Variants in DNAH17 observed in about 807,000 individuals in gnomAD.
DNAH17 encodes axonemal beta dynein heavy chain 17.
Under a neutral mutation model 485.6 loss-of-function variants are expected in DNAH17, and 376 were observed. The ratio of observed to expected loss-of-function variants is 0.77; its 90% CI spans 0.71 to 0.84. The LOEUF is 0.84. DNAH17 is among the 40% of genes least tolerant of loss of function. The pLI is 0.00. For synonymous variants in DNAH17, 3,031 were observed against 2,405.9 expected, an observed-to-expected ratio of 1.26 and a Z score of -7.60; for missense variants, 6,370 against 5,839.3, an observed-to-expected ratio of 1.09 and a Z score of -2.96.
rs1366604289 is a variant in DNAH17 at position 78,573,752 on chromosome 17, A to G, written c.346-858T>C. On this transcript the variant is annotated intron_variant, in intron 2 of 80. Transcript: ENST00000389840. The stretch of plus-strand genomic sequence containing the variant: ...AGATGTCCATCTGCAAGTCAAGGAG[A>G]GAGGCCTTGGGGAAAACCAACCCCG... Among the ~76,000 whole-genome samples the G allele has an allele frequency of 4.6e-5, 7 of 152,088 alleles. No homozygotes were observed. In the East Asian group the frequency reaches 5.8e-4, roughly 13 times the overall value.
chr17:78,489,138 G>A (rs999835732), intron 44 of DNAH17, among the ~76,000 whole-genome samples: 1 of 152,166 alleles, frequency 6.6e-6, no homozygotes, highest in Non-Finnish European at 1.5e-5. Context: ...GTCCCCATAG[G>A]GAACATTCCA....
chr17:78,565,989 A>C (rs2092259188), intron 11 of DNAH17, among the ~76,000 whole-genome samples: 1 of 151,852 alleles, frequency 6.6e-6, no homozygotes, highest in African/African-American at 2.4e-5. Context: ...CAAAACAAAA[A>C]ACAAACAAAC....
Position 78,507,274 on chromosome 17 carries a change from G to A in DNAH17, c.4676+4C>T, listed in dbSNP as rs779305154. ...CCCCTGGTCTGGATAGGTGTGAGCC[G>A]CACCTCTTCTTCAGGGCCTCCAGTT... is the stretch of plus-strand genomic sequence containing the variant. On this transcript the variant is annotated splice_donor_region_variant and intron_variant, in intron 29 of 80. Transcript: ENST00000389840. 8.7e-6 allele frequency: 14 copies of A among 1,613,696 alleles called. No individual in the cohort carries two copies. The highest frequency in any genetic ancestry group is 4.4e-5 in the South Asian group (4 of 91,062).
In DNAH17 at chr17:78,452,466, G is replaced by A. The variant is rs574029556; in HGVS notation, c.10530-793C>T. The stretch of plus-strand genomic sequence containing the variant: ...AACATGCTAAGTAAAGGCCGGGCGC[G>A]GTGGCTCCCGCCTGTAATCCCAGCA... On this transcript the variant is annotated intron_variant, in intron 65 of 80. Transcript: ENST00000389840. Among the ~76,000 whole-genome samples the A allele has an allele frequency of 1.6e-3, 243 of 152,254 alleles. 1 individual carries two copies. The highest frequency in any genetic ancestry group is 5.1e-3 in the African/African-American group (212 of 41,546).
intron 26 of DNAH17, among the ~76,000 whole-genome samples, chr17:78,514,348 T>C (rs1383621047): frequency 6.6e-6 from 1 of 151,414 alleles, no homozygotes; most frequent in Non-Finnish European, 1.5e-5. Context: ...GTACTAAAAA[T>C]ACAAAAATTA....
At chr17:78,525,813 G>A (rs1368046724) in intron 24 of DNAH17, among the ~76,000 whole-genome samples, 1 of 152,242 alleles carries the variant, frequency 6.6e-6, no homozygotes, top group Non-Finnish European at 1.5e-5. Context: ...GAGAATGGCT[G>A]CATCTCCATC....
At chr17:78,553,026 C>G (rs1027419604) in intron 14 of DNAH17, among the ~76,000 whole-genome samples, 7 of 152,084 alleles carry the variant, frequency 4.6e-5, no homozygotes, top group Non-Finnish European at 8.8e-5. Flanking sequence ...AGCATCACCC[C>G]CCGATGCCGT....
At chr17:78,476,171 G>C (rs1194200993) in intron 52 of DNAH17, among the ~76,000 whole-genome samples, 1 of 152,140 alleles carries the variant, frequency 6.6e-6, no homozygotes. Flanking sequence ...ATCACACCCT[G>C]ATCTACTGAG....
At chr17:78,428,745 G>C in intron 76 of DNAH17, 38 bp from the exon 77 acceptor site, 1 of 1,609,510 alleles carries the variant, frequency 6.2e-7, no homozygotes, top group East Asian at 2.2e-5. Context: ...AGGCAAAGCT[G>C]TGCAGGCTGA....
At chr17:78,566,885 G>A (rs1263400767) in intron 10 of DNAH17, 114 bp downstream of exon 10, 50 of 1,380,516 alleles carry the variant, frequency 3.6e-5, no homozygotes, top group Non-Finnish European at 4.7e-5. Flanking sequence ...AAAGTGTTGG[G>A]ATCACCTGGC....
At chr17:78,457,083 T>C (rs942873781) in intron 62 of DNAH17, among the ~76,000 whole-genome samples, 1 of 152,172 alleles carries the variant, frequency 6.6e-6, no homozygotes, top group African/African-American at 2.4e-5. Flanking sequence ...TTAAAAGGCA[T>C]GAAGGGGCCG....
chr17:78,491,596 C>T lies in DNAH17; in HGVS notation c.6542-26G>A, dbSNP rs767595625. On this transcript the variant is annotated intron_variant, in intron 42 of 80. Transcript: ENST00000389840. ...CTGGGGGAGGCGCGTGGTATGACCC[C>T]GGGCCCTTCACTCCGGCCCCATTCC... is the stretch of plus-strand genomic sequence containing the variant. 51 of 1,610,196 alleles carry T rather than the reference C, an allele frequency of 3.2e-5. No homozygotes were observed. The Admixed American group carries it at 4.2e-4, about 13-fold the overall frequency.
intron 17 of DNAH17, 40 bp from the exon 18 acceptor site, chr17:78,539,920 C>A: frequency 1.3e-6 from 2 of 1,522,116 alleles, no homozygotes; most frequent in South Asian, 2.7e-5. Context: ...ACTTCACTGG[C>A]TGTGCTTGCT....
chr17:78,424,327 C>T, intron 80 of DNAH17, 174 bp from the exon 81 acceptor site: 1 of 715,958 alleles, frequency 1.4e-6, no homozygotes, highest in Non-Finnish European at 2.2e-6. Context: ...TGATGGCCTG[C>T]ATGTTGTAAC....
In DNAH17 at chr17:78,494,158, T is replaced by C. The variant is rs761416194; in HGVS notation, c.6286A>G (p.Ile2096Val). 2.0e-5 allele frequency: 32 copies of C among 1,612,028 alleles called. No homozygotes were observed. The highest frequency in any genetic ancestry group is 2.7e-5 in the Non-Finnish European group (32 of 1,179,588). Reference sequence around the variant, plus strand: ...TCCGCCTGCAGCTTGAGCTCCACGATGCTCTGCTTGATGATCTGGGGAGAC... The same window carrying C: ...TCCGCCTGCAGCTTGAGCTCCACGACGCTCTGCTTGATGATCTGGGGAGAC... ...LNFEKIIKQS[I>V]VELKLQAEDS... Residue 2096 changes from isoleucine to valine, a missense_variant, in exon 41 of 81, where the codon ATC (isoleucine) becomes GTC (valine). Physicochemically the swap from Ile to Val is conservative, Grantham distance 29 (BLOSUM62 3). Coordinates refer to ENST00000389840, the MANE Select transcript of DNAH17 (RefSeq NM_173628.4).
At chr17:78,479,149 G>A in intron 50 of DNAH17, 33 bp from the exon 51 acceptor site, 1 of 1,603,818 alleles carries the variant, frequency 6.2e-7, no homozygotes, top group Non-Finnish European at 8.5e-7. Flanking sequence ...CAATTCTCAT[G>A]TACTCTTGAT....
At position 78,467,657 on chromosome 17, in the gene DNAH17, C is replaced by T. The variant is rs75240366; in HGVS notation, c.8779-841G>A. Among the ~76,000 whole-genome samples the T allele has an allele frequency of 7.9e-3, 1,200 of 152,296 alleles. 22 individuals are homozygous for T. The highest frequency in any genetic ancestry group is 0.027 in the African/African-American group (1,126 of 41,550). On this transcript the variant is annotated intron_variant, in intron 55 of 80. Transcript: ENST00000389840. ...TGGCACCCCGCAAAGGGCAGCACCA[C>T]TGAACTCTGGAGAGGACGGGGCCAA...
rs200078316 is a variant in DNAH17 at position 78,486,986 on chromosome 17, C to CT, written c.6819-481dup. Reference sequence around the variant, plus strand: ...GCCATGCCTGAAGCACCCCTTGGTGCTTTTTTTTTTTTTTTTTTTTTAAGC... The same window carrying CT: ...GCCATGCCTGAAGCACCCCTTGGTGCTTTTTTTTTTTTTTTTTTTTTTAAGC... On this transcript the variant is annotated intron_variant, in intron 44 of 80. Transcript: ENST00000389840. Among the ~76,000 whole-genome samples, 470 of 128,560 alleles carry CT rather than the reference C, an allele frequency of 3.7e-3. 1 individual carries two copies. The highest frequency in any genetic ancestry group is 0.011 in the South Asian group (41 of 3,834). 84.3% of individuals were successfully genotyped at this position (128,560 alleles called of 152,430 possible).
At chr17:78,430,290 C>G (rs540293943) in intron 75 of DNAH17, among the ~76,000 whole-genome samples, 29 of 151,834 alleles carry the variant, frequency 1.9e-4, no homozygotes, top group Non-Finnish European at 3.7e-4. Flanking sequence ...TAAAAGAGAT[C>G]ATTCCAACAT....
Sources: gnomAD v4.1 joint callset for allele counts (sites outside exome capture counted in the v4.1 genomes callset) on GRCh38, gnomAD v4.1.1 for gene constraint, MANE v1.5 for transcripts, NCBI Gene and HGNC (gene_info 2026-07-23, HGNC 2026-07-21) for gene names.